The following PLCL1 variants were observed in gnomAD, a reference collection of about 807,000 sequenced individuals.
The protein encoded by PLCL1 is inactive phospholipase C-like protein 1.
Under a neutral mutation model 84.4 loss-of-function variants are expected in PLCL1, and 41 were observed. That is an observed-to-expected ratio of 0.49 (90% CI 0.38 to 0.63). The LOEUF (loss-of-function observed/expected upper bound fraction) is 0.63. Among genes scored for constraint, PLCL1 ranks in the 30% least tolerant of loss-of-function variants. PLCL1 has a pLI of 0.00. For synonymous variants in PLCL1, 490 were observed against 488.3 expected, an observed-to-expected ratio of 1.00 and a Z score of -0.05; for missense variants, 1,206 against 1,367.8, an observed-to-expected ratio of 0.88 and a Z score of 1.87.
Position 198,052,329 on chromosome 2 carries a change from G to A in PLCL1, c.241-31429G>A, listed in dbSNP as rs147263443. 2.5e-3 allele frequency among the ~76,000 whole-genome samples: 377 copies of A among 152,330 alleles called. 2 individuals carry two copies. The highest frequency in any genetic ancestry group is 8.4e-3 in the African/African-American group (349 of 41,570). ...GCCTCCCAAAGTGCTGGGATTATAGGCATGAGCCATGGCGCCCAGCCCAAA... is the reference window on the plus strand; with the variant it reads ...GCCTCCCAAAGTGCTGGGATTATAGACATGAGCCATGGCGCCCAGCCCAAA... On this transcript the variant is annotated intron_variant, in intron 1 of 5. Coordinates refer to ENST00000428675, the MANE Select transcript of PLCL1 (RefSeq NM_006226.4).
intron 1 of PLCL1, among the ~76,000 whole-genome samples, chr2:198,070,856 A>G (rs1574288814): frequency 1.3e-5 from 2 of 151,986 alleles, no homozygotes; most frequent in East Asian, 3.9e-4. Context: ...ATGCTTTCTA[A>G]TTGTCTTTAA....
chr2:198,034,958 C>T (rs1452171413), intron 1 of PLCL1, among the ~76,000 whole-genome samples: 1 of 152,132 alleles, frequency 6.6e-6, no homozygotes, highest in Non-Finnish European at 1.5e-5. Flanking sequence ...GGCAAGAACA[C>T]CACTGAAAGA....
intron 1 of PLCL1, among the ~76,000 whole-genome samples, chr2:197,852,411 TA>T (rs1172192583): frequency 6.6e-6 from 1 of 152,258 alleles, no homozygotes; most frequent in East Asian, 1.9e-4. Flanking sequence ...CTACAGCTTG[TA>T]AAAAAATCTC....
chr2:197,922,687 C>A (rs1243043130), intron 1 of PLCL1, among the ~76,000 whole-genome samples: 1 of 124,442 alleles, frequency 8.0e-6, no homozygotes, highest in Non-Finnish European at 1.7e-5. Flanking sequence ...GGGCGGCTGG[C>A]TGGGCAGAGG....
At chr2:197,960,805 T>C (rs922162534) in intron 1 of PLCL1, among the ~76,000 whole-genome samples, 1 of 152,130 alleles carries the variant, frequency 6.6e-6, no homozygotes, top group Admixed American at 6.6e-5. Context: ...ATCAGCCATA[T>C]GGTTTGCAAA....
intron 1 of PLCL1, among the ~76,000 whole-genome samples, chr2:197,924,386 C>T (rs1688792935): frequency 6.6e-6 from 1 of 152,126 alleles, no homozygotes; most frequent in Non-Finnish European, 1.5e-5. Flanking sequence ...GAACCCTCCA[C>T]TGGTATTGAC....
intron 5 of PLCL1, among the ~76,000 whole-genome samples, chr2:198,112,854 A>G (rs967582589): frequency 6.6e-6 from 1 of 151,604 alleles, no homozygotes; most frequent in Non-Finnish European, 1.5e-5. Context: ...TAAGCCCTCA[A>G]CTCACTTGGA....
At chr2:197,911,636 C>G (rs564110838) in intron 1 of PLCL1, among the ~76,000 whole-genome samples, 1 of 152,260 alleles carries the variant, frequency 6.6e-6, no homozygotes, top group Admixed American at 6.5e-5. Flanking sequence ...GTTAATTATT[C>G]CCCTCTTTTC....
intron 1 of PLCL1, among the ~76,000 whole-genome samples, chr2:197,887,395 G>C (rs1687942294): frequency 6.6e-6 from 1 of 151,850 alleles, no homozygotes; most frequent in African/African-American, 2.4e-5. Context: ...TTTTTTCTTT[G>C]CTCACATAAA....
intron 1 of PLCL1, among the ~76,000 whole-genome samples, chr2:197,902,117 G>T (rs1688278820): frequency 6.6e-6 from 1 of 152,086 alleles, no homozygotes; most frequent in South Asian, 2.1e-4. Context: ...AAACAAGGAT[G>T]GCATACTGGC....
chr2:197,829,874 C>G (rs988816732), intron 1 of PLCL1, among the ~76,000 whole-genome samples: 1 of 152,058 alleles, frequency 6.6e-6, no homozygotes, highest in Non-Finnish European at 1.5e-5. Context: ...TATGACTTAG[C>G]CCTCATTAAT....
chr2:198,024,570 C>T (rs1691218757), intron 1 of PLCL1, among the ~76,000 whole-genome samples: 1 of 152,078 alleles, frequency 6.6e-6, no homozygotes, highest in South Asian at 2.1e-4. Context: ...TCGAGACCAG[C>T]CTGACCAACA....
intron 1 of PLCL1, among the ~76,000 whole-genome samples, chr2:197,999,647 G>T (rs1404126563): frequency 6.6e-6 from 1 of 152,134 alleles, no homozygotes; most frequent in Non-Finnish European, 1.5e-5. Context: ...GGGCGTTGCT[G>T]CCCTAATGGA....
chr2:198,147,234 G>GTGTGTGTGTGTGT lies in PLCL1; in HGVS notation c.*272_*273insTGTGTGTGTGTGT. The GTGTGTGTGTGTGT allele has an allele frequency of 2.6e-5, 7 of 268,580 alleles. No homozygotes were observed. Among genetic ancestry groups the GTGTGTGTGTGTGT allele is most frequent in the African/African-American group, 4.4e-5 (2 of 45,108 alleles). 16.6% of individuals were successfully genotyped at this position (268,580 alleles called of 1,614,324 possible). A position where few individuals can be genotyped will look rare whatever the true frequency, so the allele number is the denominator to read the frequency against. ...TGTGTGTGTGTGTGTGTGTGTGTGT[G>GTGTGTGTGTGTGT]GCAGAGAGAGAGAAAGAGAGAGAGA... On this transcript the variant is annotated 3_prime_UTR_variant, in exon 6 of 6. Transcript: ENST00000428675.
intron 1 of PLCL1, among the ~76,000 whole-genome samples, chr2:198,040,085 A>G (rs1452612974): frequency 6.6e-6 from 1 of 152,232 alleles, no homozygotes; most frequent in Non-Finnish European, 1.5e-5. Flanking sequence ...TACCAAATCC[A>G]AAAGTAGAAT....
At chr2:197,913,914 T>C (rs1207491565) in intron 1 of PLCL1, among the ~76,000 whole-genome samples, 1 of 152,126 alleles carries the variant, frequency 6.6e-6, no homozygotes, top group Non-Finnish European at 1.5e-5. Context: ...AATTCACCCA[T>C]CTCGAATATA....
Position 198,085,031 on chromosome 2 carries a change from A to C in PLCL1, c.1514A>C (p.Gln505Pro). The part of the protein sequence containing the change: ...CSLPQQKVMA[Q>P]QMKKVFGNKL... ...TTGCCGCAGCAGAAGGTAATGGCTC[A>C]ACAGATGAAAAAGGTCTTTGGCAAT... Residue 505 changes from glutamine to proline, a missense_variant, in exon 2 of 6, where the codon CAA (glutamine) becomes CCA (proline). Physicochemically the swap from Gln to Pro is moderately conservative, Grantham distance 76. Coordinates refer to ENST00000428675, the MANE Select transcript of PLCL1 (RefSeq NM_006226.4). This position sits in a 1 kb window ranked among gnomAD's most constrained non-coding sequence, Gnocchi z 5.3. 2 of 1,614,108 alleles carry C rather than the reference A, an allele frequency of 1.2e-6. No homozygotes were observed. Among genetic ancestry groups the C allele is most frequent in the Non-Finnish European group, 1.7e-6 (2 of 1,180,010 alleles).
chr2:197,953,552 G>A (rs181674532), intron 1 of PLCL1, among the ~76,000 whole-genome samples: 2 of 152,180 alleles, frequency 1.3e-5, no homozygotes, highest in Admixed American at 1.3e-4. Flanking sequence ...ATTATTGCAT[G>A]TTACCTTAGG....
At chr2:198,050,681 A>G (rs1220488956) in intron 1 of PLCL1, among the ~76,000 whole-genome samples, 1 of 152,246 alleles carries the variant, frequency 6.6e-6, no homozygotes, top group African/African-American at 2.4e-5. Flanking sequence ...TAAGACTTAC[A>G]TATATCAGTT....
Sources: allele counts gnomAD v4.1 joint callset (sites outside exome capture counted in the v4.1 genomes callset), GRCh38; gene constraint gnomAD v4.1.1; non-coding constraint Gnocchi (gnomAD v3.1); transcripts MANE v1.5; gene names NCBI Gene and HGNC (gene_info 2026-07-23, HGNC 2026-07-21).